The following IDE variants were observed in gnomAD, a reference collection of about 807,000 sequenced individuals.
IDE encodes the protein insulin degrading enzyme, also known as insulin-degrading enzyme.
In IDE, 58 loss-of-function variants were observed where a neutral mutation model predicts 133.2. That is an observed-to-expected ratio of 0.44 (90% CI 0.35 to 0.54). The LOEUF is 0.54. Among genes scored for constraint, IDE ranks in the 20% least tolerant of loss-of-function variants. The probability of loss-of-function intolerance (pLI) is 0.00; values close to 1 mark genes in which losing one functional copy is unlikely to be tolerated. For synonymous variants in IDE, 396 were observed against 421.3 expected (o/e 0.94, Z 0.73); for missense variants, 981 against 1,234.0 (o/e 0.79, Z 3.07).
chr10:92,562,606 T>C (rs1317161354), intron 1 of IDE, among the ~76,000 whole-genome samples: 2 of 152,278 alleles, frequency 1.3e-5, no homozygotes, highest in South Asian at 2.1e-4. Flanking sequence ...CTTACTGATA[T>C]CTTCCTGGAA....
intron 5 of IDE, among the ~76,000 whole-genome samples, chr10:92,514,388 T>TC (rs1848791256): frequency 6.6e-6 from 1 of 152,008 alleles, no homozygotes; most frequent in Non-Finnish European, 1.5e-5. Context: ...TTTTTTTTTT[T>TC]CCAGTTTTTT....
intron 1 of IDE, among the ~76,000 whole-genome samples, chr10:92,559,610 G>A (rs549037416): frequency 3.8e-4 from 58 of 152,316 alleles, no homozygotes; most frequent in Non-Finnish European, 7.1e-4. Flanking sequence ...TGGGCTCAGG[G>A]AAGAGTGGAA....
In IDE at chr10:92,453,335, G is replaced by A. The variant is rs1469054868; in HGVS notation, c.*1109C>T. 5.3e-5 allele frequency: 8 copies of A among 151,096 alleles called. No homozygotes were observed. Among genetic ancestry groups the A allele is most frequent in the African/African-American group, 1.7e-4 (7 of 41,438 alleles). 9.4% of individuals were successfully genotyped at this position (151,096 alleles called of 1,614,324 possible). ...CTCCAGTCATCATCTGTGTTTATAT[G>A]TTTATATTTATATATTCAAAAAATA... On this transcript the variant is annotated 3_prime_UTR_variant, in exon 25 of 25. Coordinates refer to ENST00000265986, the MANE Select transcript of IDE (RefSeq NM_004969.4).
intron 21 of IDE, among the ~76,000 whole-genome samples, chr10:92,461,891 G>A (rs1358260167): frequency 2.0e-5 from 3 of 151,782 alleles, no homozygotes; most frequent in Non-Finnish European, 4.4e-5. Context: ...TAGCCAGGAT[G>A]GTCTCGATCT....
chr10:92,528,440 T>G (rs1000995360), intron 4 of IDE, among the ~76,000 whole-genome samples: 87 of 151,184 alleles, frequency 5.8e-4, no homozygotes, highest in African/African-American at 2.0e-3. Context: ...TTTAAAGTAT[T>G]AGCAGATCAG....
At chr10:92,474,171 C>T (rs1351076234) in intron 17 of IDE, among the ~76,000 whole-genome samples, 1 of 152,108 alleles carries the variant, frequency 6.6e-6, no homozygotes, top group Non-Finnish European at 1.5e-5. Context: ...TCAAGCAATC[C>T]TCTCAACCAC....
At chr10:92,546,117 T>C (rs746294743) in intron 1 of IDE, among the ~76,000 whole-genome samples, 7 of 152,110 alleles carry the variant, frequency 4.6e-5, no homozygotes, top group African/African-American at 1.7e-4. Context: ...CTCACTAATA[T>C]AGGGTTGAGT....
rs780609827 is a variant in IDE at position 92,573,117 on chromosome 10, C to T, written c.98+805G>A. On this transcript the variant is annotated intron_variant, in intron 1 of 24. Coordinates refer to ENST00000265986, the MANE Select transcript of IDE (RefSeq NM_004969.4). Reference sequence around the variant, plus strand: ...ATAATACTGCCTATCTTCTTCCATTCGTAGTAAAAAGTATTCAGCGTTCAC... The same window carrying T: ...ATAATACTGCCTATCTTCTTCCATTTGTAGTAAAAAGTATTCAGCGTTCAC... 6.1e-5 allele frequency: 60 copies of T among 985,400 alleles called. 1 individual carries two copies. Among genetic ancestry groups the T allele is most frequent in the Middle Eastern group, 5.2e-4 (1 of 1,914 alleles). 61.0% of individuals were successfully genotyped at this position (985,400 alleles called of 1,614,324 possible).
chr10:92,456,226 C>A, intron 23 of IDE, 133 bp downstream of exon 23: 1 of 693,456 alleles, frequency 1.4e-6, no homozygotes, highest in Admixed American at 2.1e-5. Context: ...CCCCTTATAT[C>A]TGCAGACCTT....
intron 11 of IDE, among the ~76,000 whole-genome samples, chr10:92,492,597 C>T (rs1847422989): frequency 6.6e-6 from 1 of 152,124 alleles, no homozygotes; most frequent in African/African-American, 2.4e-5. Context: ...TCCCTTAAGT[C>T]CCAATTCCCA....
intron 17 of IDE, among the ~76,000 whole-genome samples, chr10:92,470,765 C>A (rs996584077): frequency 6.6e-6 from 1 of 152,072 alleles, no homozygotes; most frequent in African/African-American, 2.4e-5. Context: ...TGTTTTCTCA[C>A]AATTAGATTT....
At chr10:92,491,032 G>A (rs868454072) in intron 11 of IDE, among the ~76,000 whole-genome samples, 1 of 152,260 alleles carries the variant, frequency 6.6e-6, no homozygotes, top group East Asian at 1.9e-4. Flanking sequence ...GAGCCCAGGA[G>A]TTCAAGAGCA....
intron 24 of IDE, 88 bp from the exon 25 acceptor site, chr10:92,454,627 A>C: frequency 1.1e-6 from 1 of 871,530 alleles, no homozygotes; most frequent in Middle Eastern, 3.2e-4. Flanking sequence ...CTGGGAGCAT[A>C]CCTCAGTTCT....
At chr10:92,518,927 C>T (rs1287945732) in intron 4 of IDE, among the ~76,000 whole-genome samples, 3 of 152,052 alleles carry the variant, frequency 2.0e-5, no homozygotes, top group African/African-American at 7.2e-5. Context: ...AAGTGTACAC[C>T]GGATGCTCAA....
rs1243665568 is a variant in IDE at position 92,537,513 on chromosome 10, C to T, written c.136G>A (p.Ala46Thr). 1 of 1,602,350 alleles carries T rather than the reference C, an allele frequency of 6.2e-7. No individual in the cohort carries two copies. Among genetic ancestry groups the T allele is most frequent in the Admixed American group, 1.8e-5 (1 of 56,090 alleles). The change falls in exon 2 of 25, where the codon GCC becomes ACC. Residue 46 changes from alanine to threonine, a missense_variant. Ala to Thr is a moderately conservative substitution (Grantham distance 58, BLOSUM62 0). This residue lies in a region of IDE where 321 missense variants were observed against 339.3 expected (regional missense o/e 0.95). Coordinates refer to ENST00000265986, the MANE Select transcript of IDE (RefSeq NM_004969.4). Reference sequence around the variant, plus strand: ...ATGTGATTTCCTATTCTCTTGATGGCTGGATTATTCATTTTGCTGTAAGTC... The same window carrying T: ...ATGTGATTTCCTATTCTCTTGATGGTTGGATTATTCATTTTGCTGTAAGTC... ...KKTYSKMNNP[A>T]IKRIGNHITK... is the part of the protein sequence containing the mutation.
At chr10:92,536,862 A>AC (rs1183615463) in intron 2 of IDE, among the ~76,000 whole-genome samples, 1 of 151,894 alleles carries the variant, frequency 6.6e-6, no homozygotes, top group East Asian at 1.9e-4. Flanking sequence ...ACATGGTGAA[A>AC]CCCCATCTCT....
In IDE at chr10:92,507,220, G is replaced by C. The variant is rs551516666; in HGVS notation, c.1245+355C>G. On this transcript the variant is annotated intron_variant, in intron 9 of 24. Transcript: ENST00000265986. ...TTTGAGAGTTTGCTACAGATTTAAA[G>C]ATCTGAAAACGACAGAGCTCATGCA... Among the ~76,000 whole-genome samples the C allele has an allele frequency of 1.1e-4, 16 of 152,166 alleles. No individual in the cohort carries two copies. In the East Asian group the frequency reaches 3.1e-3, roughly 29 times the overall value.
intron 1 of IDE, among the ~76,000 whole-genome samples, chr10:92,564,236 G>C (rs1438463553): frequency 2.0e-5 from 3 of 152,118 alleles, no homozygotes; most frequent in African/African-American, 4.8e-5. Flanking sequence ...GAGAAGCAAA[G>C]GGAAATTCCA....
intron 21 of IDE, among the ~76,000 whole-genome samples, chr10:92,463,060 G>T (rs1308051167): frequency 3.3e-5 from 5 of 152,110 alleles, no homozygotes; most frequent in Non-Finnish European, 7.4e-5. Flanking sequence ...GATACTCTCT[G>T]AAAGAACAAA....
Sources: gnomAD v4.1 joint callset for allele counts (sites outside exome capture counted in the v4.1 genomes callset) on GRCh38, gnomAD v4.1.1 for gene constraint, gnomAD v4.1.1 regional missense constraint, MANE v1.5 for transcripts, NCBI Gene and HGNC (gene_info 2026-07-23, HGNC 2026-07-21) for gene names.